IL1RN: variants seen among roughly 807,000 people sequenced by gnomAD.
IL1RN encodes the protein interleukin 1 receptor antagonist.
Under a neutral mutation model 13.7 loss-of-function variants are expected in IL1RN, and 10 were observed. That is an observed-to-expected ratio of 0.73 (90% CI 0.45 to 1.24). The LOEUF is 1.24. IL1RN is among the 50% of genes most tolerant of loss of function. The probability of loss-of-function intolerance (pLI) is 0.00; values close to 1 mark genes in which losing one functional copy is unlikely to be tolerated. For missense variants in IL1RN, 213 were observed against 222.1 expected (o/e 0.96, Z 0.26); for synonymous variants, 102 against 82.7 (o/e 1.23, Z -1.27).
the IL1RN span, among the ~76,000 whole-genome samples, chr2:113,099,728 CTTTT>C: frequency 2.4e-5 from 1 of 41,472 alleles, no homozygotes; most frequent in South Asian, 1.3e-3. Flanking sequence ...TCTTTCTTTT[CTTTT>C]TTTTTTTTTT....
chr2:113,105,368 G>A (rs1346514940), upstream of IL1RN, among the ~76,000 whole-genome samples: 1 of 152,176 alleles, frequency 6.6e-6, no homozygotes, highest in Non-Finnish European at 1.5e-5. Flanking sequence ...CAACACAAAT[G>A]TTTGGGCTTA....
At chr2:113,122,061 G>A (rs563880378) in intron 2 of IL1RN, among the ~76,000 whole-genome samples, 1 of 152,298 alleles carries the variant, frequency 6.6e-6, no homozygotes, top group South Asian at 2.1e-4. Context: ...ATATTGTGTG[G>A]TGTGTCCTGT....
chr2:113,132,544 C>T, intron 3 of IL1RN, 112 bp from the exon 4 acceptor site: 2 of 947,000 alleles, frequency 2.1e-6, no homozygotes, highest in Admixed American at 1.9e-5. Flanking sequence ...GGCATTTCCC[C>T]TGTACTAACT....
intron 1 of IL1RN, among the ~76,000 whole-genome samples, chr2:113,128,940 G>A (rs575074487): frequency 3.3e-4 from 51 of 152,262 alleles, no homozygotes; most frequent in African/African-American, 1.2e-3. Context: ...TGTTCCCAAG[G>A]GTAGCTGCTC....
At chr2:113,129,469 A>G in intron 1 of IL1RN, 107 bp from the exon 2 acceptor site, 1 of 781,378 alleles carries the variant, frequency 1.3e-6, no homozygotes, top group South Asian at 1.4e-5. Flanking sequence ...TACCCCTGGA[A>G]GAGCTGGATG....
At chr2:113,116,970 AGACCTGGG>A (rs1440907409), upstream of IL1RN, among the ~76,000 whole-genome samples, 1 of 152,248 alleles carries the variant, frequency 6.6e-6, no homozygotes, top group Non-Finnish European at 1.5e-5. Context: ...GGTTGGCTGC[AGACCTGGG>A]GACTAGACCC....
At chr2:113,124,328 T>A (rs1274531457), upstream of IL1RN, among the ~76,000 whole-genome samples, 2 of 152,126 alleles carry the variant, frequency 1.3e-5, no homozygotes, top group South Asian at 2.1e-4. Flanking sequence ...GCCAACTGTT[T>A]GGGTGAGATA....
At chr2:113,126,317 A>T (rs901606445), upstream of IL1RN, among the ~76,000 whole-genome samples, 1 of 152,114 alleles carries the variant, frequency 6.6e-6, no homozygotes, top group African/African-American at 2.4e-5. Context: ...AGGTCAGAAG[A>T]CCTGGATTTC....
upstream of IL1RN, among the ~76,000 whole-genome samples, chr2:113,109,773 A>AAC (rs1280026603): frequency 3.3e-5 from 5 of 152,092 alleles, no homozygotes; most frequent in African/African-American, 4.8e-5. Context: ...CAAAAAAAAA[A>AAC]AAAACCTCAG....
At position 113,118,763 on chromosome 2, in the gene IL1RN, G is replaced by A. The variant is rs368344865; in HGVS notation, c.10+735G>A. On this transcript the variant is annotated intron_variant, in intron 1 of 5. Transcript: ENST00000259206. ...TTAAAATTGGCCCCTGAGGCTGGGCGTGGTGGCTCACACCTGTAATCCCAG... is the reference window on the plus strand; with the variant it reads ...TTAAAATTGGCCCCTGAGGCTGGGCATGGTGGCTCACACCTGTAATCCCAG... Among the ~76,000 whole-genome samples, 50 of 152,320 alleles carry A rather than the reference G, an allele frequency of 3.3e-4. No homozygotes were observed. The South Asian group carries it at 7.5e-3, about 23-fold the overall frequency.
upstream of IL1RN, among the ~76,000 whole-genome samples, chr2:113,125,986 C>T (rs902099618): frequency 2.6e-5 from 4 of 152,066 alleles, no homozygotes; most frequent in Non-Finnish European, 4.4e-5. Context: ...TCAGTAGAGA[C>T]GGAGTTTCAC....
At chr2:113,114,534 A>G (rs117929702), upstream of IL1RN, among the ~76,000 whole-genome samples, 433 of 152,170 alleles carry the variant, frequency 2.8e-3, 13 homozygotes, top group East Asian at 0.065. Flanking sequence ...GGTTAAGAAG[A>G]GTCTATATAT....
At chr2:113,124,881 G>A (rs11575827), upstream of IL1RN, among the ~76,000 whole-genome samples, 20 of 152,248 alleles carry the variant, frequency 1.3e-4, no homozygotes, top group East Asian at 3.1e-3. Context: ...AGGACACAGC[G>A]GGGAAATGAC....
At chr2:113,128,323 A>G (rs1280952475) in intron 1 of IL1RN, among the ~76,000 whole-genome samples, 1 of 152,246 alleles carries the variant, frequency 6.6e-6, no homozygotes, top group East Asian at 1.9e-4. Context: ...TTGTGAGACC[A>G]TCACTATTGT....
upstream of IL1RN, among the ~76,000 whole-genome samples, chr2:113,127,145 C>T (rs1268358508): frequency 6.6e-6 from 1 of 152,176 alleles, no homozygotes; most frequent in Non-Finnish European, 1.5e-5. Context: ...GAATGTTTGC[C>T]AATCTATGGT....
At chr2:113,120,960 TTTCTTC>T (rs758115060) in intron 2 of IL1RN, among the ~76,000 whole-genome samples, 10 of 150,268 alleles carry the variant, frequency 6.7e-5, no homozygotes, top group South Asian at 2.1e-4. Context: ...CCTTGAGTAG[TTTCTTC>T]TTCTTCTTCT....
chr2:113,109,981 T>A (rs1271364354), upstream of IL1RN, among the ~76,000 whole-genome samples: 1 of 152,158 alleles, frequency 6.6e-6, no homozygotes, highest in African/African-American at 2.4e-5. Flanking sequence ...TGCTGATTGA[T>A]CCTCACACCT....
chr2:113,123,684 C>T (rs956667921), upstream of IL1RN, among the ~76,000 whole-genome samples: 5 of 152,118 alleles, frequency 3.3e-5, no homozygotes, highest in Admixed American at 6.5e-5. Context: ...AGGATTTAGG[C>T]ACATGCAAGA....
upstream of IL1RN, among the ~76,000 whole-genome samples, chr2:113,124,958 C>G (rs1686905650): frequency 6.6e-6 from 1 of 152,176 alleles, no homozygotes; most frequent in African/African-American, 2.4e-5. Flanking sequence ...TGAATTCAGA[C>G]TGGGGTCAGA....
Sources: gnomAD v4.1 joint callset for allele counts (sites outside exome capture counted in the v4.1 genomes callset) on GRCh38, gnomAD v4.1.1 for gene constraint, MANE v1.5 for transcripts, NCBI Gene and HGNC (gene_info 2026-07-23, HGNC 2026-07-21) for gene names.